Variants in PSMB5 observed in about 807,000 individuals in gnomAD.
The protein encoded by PSMB5 is proteasome subunit beta type-5.
A neutral mutation model predicts 22.8 loss-of-function variants in PSMB5; 2 were observed. The ratio of observed to expected loss-of-function variants is 0.09; its 90% CI spans 0.04 to 0.28. The LOEUF (loss-of-function observed/expected upper bound fraction) is 0.28. Ranked by LOEUF, PSMB5 falls within the 10% of genes least tolerant of loss-of-function variation. PSMB5 has a pLI of 1.00. For missense variants in PSMB5, 269 were observed against 343.8 expected, an observed-to-expected ratio of 0.78 and a Z score of 1.72; for synonymous variants, 133 against 135.3, an observed-to-expected ratio of 0.98 and a Z score of 0.12.
Position 23,034,822 on chromosome 14 carries a change from T to C in PSMB5, c.60A>G (p.Gly20=). The C allele has an allele frequency of 6.2e-7, 1 of 1,614,118 alleles. No homozygotes were observed. Among genetic ancestry groups the C allele is most frequent in the South Asian group, 1.1e-5 (1 of 91,086 alleles). Residue 20 remains glycine (G), a synonymous_variant, in exon 1 of 3, where the codon GGA becomes GGG. Coordinates refer to ENST00000361611, the MANE Select transcript of PSMB5 (RefSeq NM_002797.5). ...CCAGCAGATCTGCACGACCCCCAAG[T>C]CCGAAAAACCCGCGCTGGTTCACCG... The part of the protein sequence containing the change: ...PLPVNQRGFF[G]LGGRADLLDL...
chr14:23,034,675 G>C lies in PSMB5; in HGVS notation c.198+9C>G, dbSNP rs199810424. 2,278 of 1,613,772 alleles carry C rather than the reference G, an allele frequency of 1.4e-3. 46 individuals carry two copies. In the South Asian group the frequency reaches 0.021, roughly 15 times the overall value. ...AGTACTCAGCCTGGCAAGGGGGCTG[G>C]CTCCACACCTTGAAGGCCAGGGTGG... is the stretch of plus-strand genomic sequence containing the variant. On this transcript the variant is annotated intron_variant, in intron 1 of 2. Coordinates refer to ENST00000361611, the MANE Select transcript of PSMB5 (RefSeq NM_002797.5).
chr14:23,030,535 C>G (rs1323397643), intron 2 of PSMB5, among the ~76,000 whole-genome samples: 1 of 151,830 alleles, frequency 6.6e-6, no homozygotes, highest in Non-Finnish European at 1.5e-5. Flanking sequence ...CTTGGGTTAA[C>G]TAGTCATCCT....
intron 1 of PSMB5, 117 bp downstream of exon 1, chr14:23,034,567 G>A: frequency 1.7e-6 from 2 of 1,196,782 alleles, no homozygotes; most frequent in African/African-American, 3.1e-5. Context: ...CCGAACGAGA[G>A]GACCCAGCCT....
chr14:23,030,186 CT>C (rs969966520), intron 2 of PSMB5, among the ~76,000 whole-genome samples: 3 of 149,664 alleles, frequency 2.0e-5, no homozygotes, highest in Non-Finnish European at 4.4e-5. Flanking sequence ...CCAACTGGTT[CT>C]TTTAAAAACG....
intron 1 of PSMB5, 62 bp downstream of exon 1, chr14:23,034,622 T>A (rs752159808): frequency 6.3e-7 from 1 of 1,579,346 alleles, no homozygotes; most frequent in South Asian, 1.1e-5. Context: ...CCGGTCAGGC[T>A]GGGAGGCCAG....
At chr14:23,034,953 A>G (rs1469466886), upstream of PSMB5, 22 of 1,532,066 alleles carry the variant, frequency 1.4e-5, no homozygotes, top group Non-Finnish European at 1.8e-5. Context: ...CCTCGCCGTC[A>G]CAGCTTCACT....
At position 23,026,251 on chromosome 14, in the gene PSMB5, C is replaced by A; in HGVS notation, c.630G>T (p.Gln210His). Residue 210 changes from glutamine to histidine, a missense_variant, in exon 3 of 3, where the codon CAG becomes CAT. Physicochemically the swap from Gln to His is conservative, Grantham distance 24 (BLOSUM62 0). This residue lies in a region of PSMB5 where 113 missense variants were observed against 130.2 expected (regional missense o/e 0.87). Coordinates refer to ENST00000361611, the MANE Select transcript of PSMB5 (RefSeq NM_002797.5). Reference protein sequence around the residue: ...RGYSYDLEVEQAYDLARRAIY... With the variant: ...RGYSYDLEVEHAYDLARRAIY... ...TGGCTCGACGGGCCAGATCATAGGC[C>A]TGCTCCACTTCCAGGTCATAGGAAT... 6.2e-7 allele frequency: 1 copy of A among 1,614,120 alleles called. No individual in the cohort carries two copies. Among genetic ancestry groups the A allele is most frequent in the Non-Finnish European group, 8.5e-7 (1 of 1,180,020 alleles).
chr14:23,031,367 C>T (rs2046951479), intron 2 of PSMB5, among the ~76,000 whole-genome samples: 1 of 152,208 alleles, frequency 6.6e-6, no homozygotes, highest in Non-Finnish European at 1.5e-5. Context: ...GTGAGCTCCT[C>T]TCTCACATCC....
At chr14:23,032,062 C>CG (rs1326859239) in intron 2 of PSMB5, among the ~76,000 whole-genome samples, 1 of 152,072 alleles carries the variant, frequency 6.6e-6, no homozygotes, top group Non-Finnish European at 1.5e-5. Flanking sequence ...GCACTCCAGT[C>CG]GGGGCGACAG....
intron 1 of PSMB5, 126 bp downstream of exon 1, chr14:23,034,558 C>T (rs1031972643): frequency 8.0e-5 from 90 of 1,132,014 alleles, no homozygotes; most frequent in Non-Finnish European, 1.0e-4. Flanking sequence ...TGCTGCGGTC[C>T]GAACGAGAGG....
intron 2 of PSMB5, among the ~76,000 whole-genome samples, chr14:23,027,380 CAA>C (rs768416022): frequency 8.8e-6 from 1 of 113,880 alleles, no homozygotes. Flanking sequence ...GACTTTGTCT[CAA>C]AAAAAAAAAA....
In PSMB5 at chr14:23,034,669, G is replaced by A. The variant is rs775136983; in HGVS notation, c.198+15C>T. ...GCGTTCAGTACTCAGCCTGGCAAGG[G>A]GGCTGGCTCCACACCTTGAAGGCCA... On this transcript the variant is annotated intron_variant, in intron 1 of 2. Transcript: ENST00000361611. 3 of 1,613,456 alleles carry A rather than the reference G, an allele frequency of 1.9e-6. No homozygotes were observed. The highest frequency in any genetic ancestry group is 2.5e-6 in the Non-Finnish European group (3 of 1,179,810).
At chr14:23,032,097 C>CA (rs1309351659) in intron 2 of PSMB5, among the ~76,000 whole-genome samples, 2 of 151,900 alleles carry the variant, frequency 1.3e-5, no homozygotes, top group Non-Finnish European at 2.9e-5. Flanking sequence ...CCCACCCCCT[C>CA]AAAAAAGAGA....
intron 2 of PSMB5, 69 bp downstream of exon 2, chr14:23,033,299 C>A: frequency 6.7e-7 from 1 of 1,494,728 alleles, no homozygotes; most frequent in South Asian, 1.2e-5. Context: ...CCCTTTAATT[C>A]ATCTGTCCAT....
rs994543583 is a variant in PSMB5, at chr14:23,025,909, C to T, written c.*180G>A. 1 of 1,442,230 alleles carries T rather than the reference C, an allele frequency of 6.9e-7. No homozygotes were observed. The highest frequency in any genetic ancestry group is 9.1e-7 in the Non-Finnish European group (1 of 1,102,394). 89.3% of individuals were successfully genotyped at this position (1,442,230 alleles called of 1,614,324 possible). A position where few individuals can be genotyped will look rare whatever the true frequency, so the allele number is the denominator to read the frequency against. On this transcript the variant is annotated 3_prime_UTR_variant, in exon 3 of 3. Transcript: ENST00000361611. ...TCCAAGAAAGTAAAACAAATAGTCACCTCTGCAGCAGCTCATTAATGACTG... is the reference window on the plus strand; with the variant it reads ...TCCAAGAAAGTAAAACAAATAGTCATCTCTGCAGCAGCTCATTAATGACTG...
chr14:23,034,788 G>A lies in PSMB5; in HGVS notation c.94C>T (p.Pro32Ser), dbSNP rs779907342. Residue 32 changes from proline (P) to serine (S), a missense_variant, in exon 1 of 3, where the codon CCA (proline) becomes TCA (serine). Physicochemically the swap from Pro to Ser is moderately conservative, Grantham distance 74 (BLOSUM62 -1). Coordinates refer to ENST00000361611, the MANE Select transcript of PSMB5 (RefSeq NM_002797.5). ...GGRADLLDLG[P>S]GSLSDGLSLA... Reference sequence around the variant, plus strand: ...CTCAGACCATCACTGAGACTCCCTGGACCTAGATCCAGCAGATCTGCACGA... The same window carrying A: ...CTCAGACCATCACTGAGACTCCCTGAACCTAGATCCAGCAGATCTGCACGA... 2 of 1,614,168 alleles carry A rather than the reference G, an allele frequency of 1.2e-6. No individual in the cohort carries two copies. Among genetic ancestry groups the A allele is most frequent in the Non-Finnish European group, 1.7e-6 (2 of 1,180,032 alleles).
intron 2 of PSMB5, among the ~76,000 whole-genome samples, chr14:23,028,501 T>C (rs1034887213): frequency 6.6e-6 from 1 of 152,262 alleles, no homozygotes; most frequent in African/African-American, 2.4e-5. Flanking sequence ...ACAAAATATA[T>C]TGAAATTAAT....
At chr14:23,026,458 T>G (rs1566713568) in intron 2 of PSMB5, 83 bp from the exon 3 acceptor site, 1 of 1,437,786 alleles carries the variant, frequency 7.0e-7, no homozygotes, top group African/African-American at 1.4e-5. Flanking sequence ...GCAGTAGTTC[T>G]TTTTTTTTGA....
intron 2 of PSMB5, among the ~76,000 whole-genome samples, chr14:23,031,815 G>A (rs987700840): frequency 1.3e-5 from 2 of 152,230 alleles, no homozygotes; most frequent in East Asian, 1.9e-4. Flanking sequence ...AGGACTAGGC[G>A]CAATGGCTCA....
Sources: allele counts gnomAD v4.1 joint callset (sites outside exome capture counted in the v4.1 genomes callset), GRCh38; gene constraint gnomAD v4.1.1; regional missense constraint gnomAD v4.1.1; transcripts MANE v1.5; gene names NCBI Gene and HGNC (gene_info 2026-07-23, HGNC 2026-07-21).